The following ELP3 variants were observed in gnomAD, a reference collection of about 807,000 sequenced individuals.
ELP3 encodes elongator acetyltransferase complex subunit 3.
Under a neutral mutation model 74.9 loss-of-function variants are expected in ELP3, and 56 were observed. The observed-to-expected ratio is 0.75, with a 90% CI of 0.60 to 0.93. ELP3 has a LOEUF of 0.93. Among genes scored for constraint, ELP3 ranks in the 40% least tolerant of loss-of-function variants. ELP3 has a pLI of 0.00. For synonymous variants in ELP3, 222 were observed against 239.8 expected (o/e 0.93, Z 0.68); for missense variants, 573 against 686.5 (o/e 0.83, Z 1.85).
chr8:28,107,209 C>T (rs932752088), intron 4 of ELP3, among the ~76,000 whole-genome samples: 3 of 152,184 alleles, frequency 2.0e-5, no homozygotes, highest in Non-Finnish European at 2.9e-5. Flanking sequence ...GATCACGCCA[C>T]TGCACTCCAG....
intron 10 of ELP3, among the ~76,000 whole-genome samples, chr8:28,153,876 A>G (rs55850635): frequency 0.032 from 4,854 of 152,262 alleles, 100 homozygotes; most frequent in South Asian, 0.058. Flanking sequence ...CCAGTTTCCT[A>G]CATACAGTCA....
intron 10 of ELP3, among the ~76,000 whole-genome samples, chr8:28,150,581 A>G (rs1722347045): frequency 6.6e-6 from 1 of 152,062 alleles, no homozygotes; most frequent in Admixed American, 6.5e-5. Context: ...GAAGTTGGAT[A>G]TAATTTTTAT....
At chr8:28,150,679 A>G (rs1246435949) in intron 10 of ELP3, among the ~76,000 whole-genome samples, 1 of 152,114 alleles carries the variant, frequency 6.6e-6, no homozygotes. Flanking sequence ...TTTGAAAATG[A>G]AATGCCTACA....
chr8:28,132,481 A>T, intron 9 of ELP3, 77 bp downstream of exon 9: 1 of 1,580,486 alleles, frequency 6.3e-7, no homozygotes, highest in South Asian at 1.1e-5. Context: ...TTGCTTGTTC[A>T]CTGTTGATGT....
chr8:28,132,634 G>T (rs1451790930), intron 9 of ELP3, among the ~76,000 whole-genome samples: 2 of 152,060 alleles, frequency 1.3e-5, no homozygotes, highest in Non-Finnish European at 2.9e-5. Flanking sequence ...TAGGTTTTTT[G>T]GGGGGTGAGG....
At chr8:28,176,952 G>C (rs1469030236) in intron 14 of ELP3, among the ~76,000 whole-genome samples, 1 of 152,186 alleles carries the variant, frequency 6.6e-6, no homozygotes, top group Non-Finnish European at 1.5e-5. Context: ...CTCTCTAAGA[G>C]CTGTAAGATA....
intron 13 of ELP3, among the ~76,000 whole-genome samples, chr8:28,161,328 C>G (rs1814077360): frequency 6.6e-6 from 1 of 152,032 alleles, no homozygotes; most frequent in African/African-American, 2.4e-5. Flanking sequence ...AATTCCAGCC[C>G]TTTGGGAGGC....
At chr8:28,136,983 T>A (rs1585691575) in intron 9 of ELP3, among the ~76,000 whole-genome samples, 3 of 152,330 alleles carry the variant, frequency 2.0e-5, no homozygotes, top group Non-Finnish European at 2.9e-5. Context: ...TTGAGTTAGA[T>A]CTATTGCTCA....
At position 28,189,663 on chromosome 8, in the gene ELP3, AATT is replaced by A. The variant is rs1165246849; in HGVS notation, c.1588_1590del (p.Tyr530del). On this transcript the variant is annotated inframe_deletion, in exon 15 of 15. Coordinates refer to ENST00000256398, the MANE Select transcript of ELP3 (RefSeq NM_018091.6). ...TTTTTCTGCAGGGGTCGGCACCAGG[AATT>A]ATTATAGAAAGATCGGCTACAGATT... The A allele has an allele frequency of 9.3e-6, 15 of 1,614,054 alleles. No individual in the cohort carries two copies. The highest frequency in any genetic ancestry group is 1.2e-5 in the Non-Finnish European group (14 of 1,179,972).
At chr8:28,187,366 T>C (rs1815281372) in intron 14 of ELP3, among the ~76,000 whole-genome samples, 1 of 152,198 alleles carries the variant, frequency 6.6e-6, no homozygotes, top group African/African-American at 2.4e-5. Context: ...GGCATCACTC[T>C]GGGTACTGGC....
At chr8:28,131,156 G>A (rs1196362493) in intron 8 of ELP3, among the ~76,000 whole-genome samples, 1 of 152,244 alleles carries the variant, frequency 6.6e-6, no homozygotes, top group Non-Finnish European at 1.5e-5. Context: ...CTGATTGGAA[G>A]TGAGGATAAG....
intron 7 of ELP3, among the ~76,000 whole-genome samples, chr8:28,121,910 G>C (rs905567924): frequency 1.3e-5 from 2 of 152,214 alleles, no homozygotes; most frequent in African/African-American, 4.8e-5. Context: ...TCTCTGTCTT[G>C]TTCCCAGTGA....
At position 28,163,210 on chromosome 8, in the gene ELP3, C is replaced by G. The variant is rs769681861; in HGVS notation, c.1567+1132C>G. 3.9e-5 allele frequency among the ~76,000 whole-genome samples: 6 copies of G among 152,262 alleles called. No individual in the cohort carries two copies. In the South Asian group the frequency reaches 1.2e-3, roughly 32 times the overall value. On this transcript the variant is annotated intron_variant, in intron 14 of 14. Coordinates refer to ENST00000256398, the MANE Select transcript of ELP3 (RefSeq NM_018091.6). ...TTCCATAGTGTATCCTTACAGAAAT[C>G]GCTGTTCCCATAAGAAGCTAACAGG...
Position 28,147,117 on chromosome 8 carries a change from G to A in ELP3, c.1101-8825G>A, listed in dbSNP as rs778298198. The stretch of plus-strand genomic sequence containing the variant: ...ACCGGGCCCCACAGATTCTGTAGCA[G>A]CCTCCTGGGTCTTTTTATCATACAG... On this transcript the variant is annotated intron_variant, in intron 10 of 14. Transcript: ENST00000256398. This position sits in a 1 kb window ranked among gnomAD's most constrained non-coding sequence, Gnocchi z 4.5. Among the ~76,000 whole-genome samples the A allele has an allele frequency of 6.6e-6, 1 of 152,322 alleles. No individual in the cohort carries two copies. Among genetic ancestry groups the A allele is most frequent in the Non-Finnish European group, 1.5e-5 (1 of 68,026 alleles).
intron 10 of ELP3, 115 bp from the exon 11 acceptor site, chr8:28,155,827 A>G (rs1379405747): frequency 1.1e-5 from 8 of 750,288 alleles, no homozygotes; most frequent in Admixed American, 1.0e-4. Flanking sequence ...GGTCAGCTTC[A>G]TAGGTTTTTT....
chr8:28,158,369 C>T (rs1041132989), intron 11 of ELP3, among the ~76,000 whole-genome samples, 199 bp from the exon 12 acceptor site: 1 of 152,062 alleles, frequency 6.6e-6, no homozygotes, highest in African/African-American at 2.4e-5. Context: ...CTCTGGTTTC[C>T]CCATCCTCAG....
intron 14 of ELP3, among the ~76,000 whole-genome samples, chr8:28,173,122 A>G (rs544834861): frequency 6.6e-6 from 1 of 152,158 alleles, no homozygotes; most frequent in East Asian, 1.9e-4. Flanking sequence ...TGGCTTTGAT[A>G]ACAGAGTAAT....
chr8:28,172,990 T>C (rs1381287612), intron 14 of ELP3, among the ~76,000 whole-genome samples: 1 of 152,082 alleles, frequency 6.6e-6, no homozygotes, highest in Non-Finnish European at 1.5e-5. Flanking sequence ...TCCCACTTGG[T>C]TGTGGTATAT....
At chr8:28,168,929 C>T (rs1311826223) in intron 14 of ELP3, among the ~76,000 whole-genome samples, 1 of 152,198 alleles carries the variant, frequency 6.6e-6, no homozygotes, top group Non-Finnish European at 1.5e-5. Flanking sequence ...TTAGCAGCAA[C>T]CAAGATACTA....
Sources: allele counts gnomAD v4.1 joint callset (sites outside exome capture counted in the v4.1 genomes callset), GRCh38; gene constraint gnomAD v4.1.1; non-coding constraint Gnocchi (gnomAD v3.1); transcripts MANE v1.5; gene names NCBI Gene and HGNC (gene_info 2026-07-23, HGNC 2026-07-21).